The following UBR1 variants were observed in gnomAD, a reference collection of about 807,000 sequenced individuals.
UBR1 encodes ubiquitin protein ligase E3 component n-recognin 1, also known as E3 ubiquitin-protein ligase UBR1.
In UBR1, 102 loss-of-function variants were observed where a neutral mutation model predicts 242.1. That is an observed-to-expected ratio of 0.42 (90% CI 0.36 to 0.50). The LOEUF is 0.50. Among genes scored for constraint, UBR1 ranks in the 20% least tolerant of loss-of-function variants. The probability of loss-of-function intolerance (pLI) is 0.01; values close to 1 mark genes in which losing one functional copy is unlikely to be tolerated. For synonymous variants in UBR1, 675 were observed against 684.8 expected (o/e 0.99, Z 0.22); for missense variants, 1,772 against 2,101.8 (o/e 0.84, Z 3.07).
chr15:42,998,897 A>T (rs2032679644), intron 32 of UBR1, among the ~76,000 whole-genome samples: 1 of 147,518 alleles, frequency 6.8e-6, no homozygotes. Flanking sequence ...TCTTGTTGTG[A>T]CTCAAACATG....
At chr15:43,093,751 A>G in intron 1 of UBR1, among the ~76,000 whole-genome samples, 1 of 147,912 alleles carries the variant, frequency 6.8e-6, no homozygotes, top group Non-Finnish European at 1.5e-5. Flanking sequence ...GCGCCACCGC[A>G]CTTCATTCAG....
intron 14 of UBR1, among the ~76,000 whole-genome samples, chr15:43,046,306 GA>G (rs2033485003): frequency 6.6e-6 from 1 of 152,246 alleles, no homozygotes; most frequent in Non-Finnish European, 1.5e-5. Flanking sequence ...CTGCCACTCT[GA>G]ACCTATGACC....
At position 42,963,942 on chromosome 15, in the gene UBR1, G is replaced by T; in HGVS notation, c.4693C>A (p.Leu1565Ile). The change falls in exon 42 of 47, where the codon CTC (leucine) becomes ATC (isoleucine). Residue 1565 changes from leucine to isoleucine, a missense_variant. Leu to Ile is a conservative substitution (Grantham distance 5). Coordinates refer to ENST00000290650, the MANE Select transcript of UBR1 (RefSeq NM_174916.3). ...ATTTTATCCCCATAGTACCTCTGGAGCAAGGGCCTTACAGTATCCCAATAT... is the reference window on the plus strand; with the variant it reads ...ATTTTATCCCCATAGTACCTCTGGATCAAGGGCCTTACAGTATCCCAATAT... ...QEYWDTVRPL[L>I]QRWCADPALL... is the part of the protein sequence containing the mutation. 6.2e-7 allele frequency: 1 copy of T among 1,609,386 alleles called. No homozygotes were observed. Among genetic ancestry groups the T allele is most frequent in the Non-Finnish European group, 8.5e-7 (1 of 1,175,894 alleles).
chr15:43,007,379 A>T, intron 29 of UBR1, 95 bp from the exon 30 acceptor site: 1 of 1,041,140 alleles, frequency 9.6e-7, no homozygotes, highest in Non-Finnish European at 1.4e-6. Flanking sequence ...AAGAAATATA[A>T]GAAAGATAAT....
intron 1 of UBR1, among the ~76,000 whole-genome samples, chr15:43,095,476 A>G (rs1490704510): frequency 1.3e-5 from 2 of 152,046 alleles, no homozygotes; most frequent in African/African-American, 4.8e-5. Flanking sequence ...GAGTCTTATC[A>G]GTAACGTTTA....
intron 35 of UBR1, among the ~76,000 whole-genome samples, chr15:42,985,958 CCA>C (rs2032451934): frequency 7.0e-6 from 1 of 142,918 alleles, no homozygotes; most frequent in Non-Finnish European, 1.5e-5. Context: ...CCACTGCACT[CCA>C]GCCTGGACAA....
intron 27 of UBR1, among the ~76,000 whole-genome samples, chr15:43,019,739 C>T (rs1040461002): frequency 3.4e-5 from 5 of 148,066 alleles, no homozygotes; most frequent in South Asian, 2.1e-4. Context: ...CCTGCCACCA[C>T]GCCTGCCACC....
At chr15:42,983,828 G>A (rs908518988) in intron 37 of UBR1, 69 bp downstream of exon 37, 12 of 989,606 alleles carry the variant, frequency 1.2e-5, no homozygotes, top group African/African-American at 3.4e-5. Context: ...GAAATACACT[G>A]CCAGAAATGC....
At chr15:42,998,119 A>C in intron 33 of UBR1, 49 bp downstream of exon 33, 1 of 1,486,466 alleles carries the variant, frequency 6.7e-7, no homozygotes, top group Non-Finnish European at 9.3e-7. Flanking sequence ...AAAAATAAAG[A>C]TTCTGACACC....
At chr15:42,975,263 C>T (rs2032270469) in intron 39 of UBR1, among the ~76,000 whole-genome samples, 1 of 152,174 alleles carries the variant, frequency 6.6e-6, no homozygotes. Context: ...AAATACCTTA[C>T]AGAAAAATGC....
chr15:42,954,574 A>C (rs899808672), intron 44 of UBR1, among the ~76,000 whole-genome samples: 2 of 151,848 alleles, frequency 1.3e-5, no homozygotes, highest in Non-Finnish European at 2.9e-5. Context: ...ACCTCAAATG[A>C]TCTTTTATTT....
chr15:43,012,007 A>G (rs1021957021), intron 29 of UBR1: 6 of 432,180 alleles, frequency 1.4e-5, no homozygotes, highest in African/African-American at 1.2e-4. Context: ...TGGGCGGATC[A>G]TGAGGTCAGG....
At chr15:43,053,398 AT>A (rs1202423635) in intron 12 of UBR1, among the ~76,000 whole-genome samples, 1 of 152,038 alleles carries the variant, frequency 6.6e-6, no homozygotes, top group African/African-American at 2.4e-5. Context: ...TGGTAGAGAG[AT>A]TTTTTTCTAT....
At position 42,950,274 on chromosome 15, in the gene UBR1, T is replaced by G; in HGVS notation, c.5096A>C (p.Asp1699Ala). 1.2e-6 allele frequency: 2 copies of G among 1,614,040 alleles called. No individual in the cohort carries two copies. The highest frequency in any genetic ancestry group is 2.2e-5 in the South Asian group (2 of 91,076). Residue 1699 changes from aspartate to alanine, a missense_variant, in exon 46 of 47, where the codon GAC becomes GCC. By Grantham distance (126) the Asp-to-Ala change is moderately radical. Around this residue, in one of 3 missense-constraint regions of UBR1, gnomAD observed 965 missense variants for 1,079.7 expected, o/e 0.89. Coordinates refer to ENST00000290650, the MANE Select transcript of UBR1 (RefSeq NM_174916.3). ...AAAAAAATCTTACTTCAGGCCAGGG[T>G]CTGTTTCTCCATATTCATCCAAGTA... Reference protein sequence around the residue: ...APYLDEYGETDPGLKRGNPLH... With the variant: ...APYLDEYGETAPGLKRGNPLH...
intron 28 of UBR1, among the ~76,000 whole-genome samples, chr15:43,016,180 A>C (rs1378727171): frequency 1.3e-5 from 2 of 152,238 alleles, no homozygotes; most frequent in Non-Finnish European, 2.9e-5. Context: ...ATCATTTGTC[A>C]ATCACTTAAT....
intron 41 of UBR1, among the ~76,000 whole-genome samples, chr15:42,964,715 A>G (rs965698149): frequency 6.6e-6 from 1 of 152,128 alleles, no homozygotes; most frequent in African/African-American, 2.4e-5. Flanking sequence ...GGCTTCAGCC[A>G]TACTCATCTC....
chr15:43,036,183 C>T lies in UBR1; in HGVS notation c.2185G>A (p.Asp729Asn). The T allele has an allele frequency of 6.2e-7, 1 of 1,611,068 alleles. No homozygotes were observed. Among genetic ancestry groups the T allele is most frequent in the Non-Finnish European group, 8.5e-7 (1 of 1,177,436 alleles). The change falls in exon 19 of 47, where the codon GAC becomes AAC. Residue 729 changes from aspartate to asparagine, a missense_variant. Physicochemically the swap from Asp to Asn is conservative, Grantham distance 23. Coordinates refer to ENST00000290650, the MANE Select transcript of UBR1 (RefSeq NM_174916.3). ...ATAATTTACAGGTTGTATACCTGGT[C>T]TTTTGTAGATATGGTCTTGTTAAAA... Reference protein sequence around the residue: ...EAFNKTISTKDQDLIKQYNTL... With the variant: ...EAFNKTISTKNQDLIKQYNTL...
At position 42,963,915 on chromosome 15, in the gene UBR1, A is replaced by G. The variant is rs2032062758; in HGVS notation, c.4700+20T>C. The G allele has an allele frequency of 6.5e-7, 1 of 1,547,396 alleles. No homozygotes were observed. Among genetic ancestry groups the G allele is most frequent in the Non-Finnish European group, 8.9e-7 (1 of 1,119,764 alleles). ...CAAATTGTATAATAACCCAACAACA[A>G]TATTTTATCCCCATAGTACCTCTGG... On this transcript the variant is annotated intron_variant, in intron 42 of 46. Transcript: ENST00000290650.
intron 17 of UBR1, 92 bp downstream of exon 17, chr15:43,037,681 G>A (rs528622226): frequency 9.1e-7 from 1 of 1,095,186 alleles, no homozygotes; most frequent in Admixed American, 2.0e-5. Flanking sequence ...CATACACTCA[G>A]TAAAATCTAG....
Sources: allele counts gnomAD v4.1 joint callset (sites outside exome capture counted in the v4.1 genomes callset), GRCh38; gene constraint gnomAD v4.1.1; regional missense constraint gnomAD v4.1.1; transcripts MANE v1.5; gene names NCBI Gene and HGNC (gene_info 2026-07-23, HGNC 2026-07-21).